The following FANCI variants were observed in gnomAD, a reference collection of about 807,000 sequenced individuals.
FANCI encodes Fanconi anemia group I protein.
FANCI carries 156 observed loss-of-function variants against 176.1 expected under a neutral mutation model. The ratio of observed to expected loss-of-function variants is 0.89; its 90% confidence interval spans 0.78 to 1.01. FANCI has a LOEUF of 1.01. Among genes scored for constraint, FANCI ranks in the 50% least tolerant of loss-of-function variants. FANCI has a pLI of 0.00. For missense variants in FANCI, 1,678 were observed against 1,534.1 expected (o/e 1.09, Z -1.57); for synonymous variants, 613 against 541.7 (o/e 1.13, Z -1.83).
At chr15:89,276,332 G>C (rs1346284536) in intron 12 of FANCI, among the ~76,000 whole-genome samples, 1 of 152,218 alleles carries the variant, frequency 6.6e-6, no homozygotes, top group Non-Finnish European at 1.5e-5. Context: ...CTCTCCTAGA[G>C]AATCTCTGTC....
chr15:89,257,534 A>C (rs75426203), intron 2 of FANCI, among the ~76,000 whole-genome samples: 1,897 of 152,198 alleles, frequency 0.012, 33 homozygotes, highest in African/African-American at 0.043. Flanking sequence ...ATCACCTGAT[A>C]TCTGCTTTCA....
rs575207637 is a variant in FANCI, at chr15:89,314,711, A to G, written c.3816+4A>G. On this transcript the variant is annotated splice_donor_region_variant and intron_variant, in intron 36 of 37. Transcript: ENST00000310775. ...CCACCTTTCTAAGAAGTCCAAGGTA[A>G]ACATTCTCTTATTATGTGCTACCAT... 4 of 1,598,312 alleles carry G rather than the reference A, an allele frequency of 2.5e-6. No individual in the cohort carries two copies. In the South Asian group the frequency reaches 4.4e-5, roughly 18 times the overall value.
At chr15:89,309,845 C>T (rs1198150151) in intron 34 of FANCI, among the ~76,000 whole-genome samples, 1 of 152,142 alleles carries the variant, frequency 6.6e-6, no homozygotes, top group Non-Finnish European at 1.5e-5. Context: ...CCATAGAGTA[C>T]AGTTTGGGAA....
At chr15:89,280,389 TA>T (rs1314331678) in intron 14 of FANCI, among the ~76,000 whole-genome samples, 2 of 152,226 alleles carry the variant, frequency 1.3e-5, no homozygotes, top group Non-Finnish European at 2.9e-5. Flanking sequence ...TTTCCATTGT[TA>T]AAGTCAGTTA....
rs916935359 is a variant in FANCI at position 89,292,728 on chromosome 15, A to G, written c.2033A>G (p.Tyr678Cys). Residue 678 changes from tyrosine to cysteine, a missense_variant, in exon 21 of 38, where the codon TAT becomes TGT. Tyr to Cys is a radical substitution (Grantham distance 194). Around this residue, in one of 3 missense-constraint regions of FANCI, gnomAD observed 1,204 missense variants for 1,077.4 expected, o/e 1.12. Coordinates refer to ENST00000310775, the MANE Select transcript of FANCI (RefSeq NM_001113378.2). Reference protein sequence around the residue: ...LCCIQHCLAWYKNTVIPLQQG... With the variant: ...LCCIQHCLAWCKNTVIPLQQG... ...TGTATTCAGCATTGTTTGGCCTGGT[A>G]TAAGAATACAGTCATACCCTTACAG... The G allele has an allele frequency of 6.2e-7, 1 of 1,613,814 alleles. No individual in the cohort carries two copies. Among genetic ancestry groups the G allele is most frequent in the African/African-American group, 1.3e-5 (1 of 74,936 alleles).
rs2053691173 is a variant in FANCI, at chr15:89,283,379, A to ATGATGGTGC, written c.1698+135_1698+143dup. 6 of 1,387,928 alleles carry ATGATGGTGC rather than the reference A, an allele frequency of 4.3e-6. No individual in the cohort carries two copies. In the South Asian group the frequency reaches 7.2e-5, roughly 17 times the overall value. 86.0% of individuals were successfully genotyped at this position (1,387,928 alleles called of 1,614,324 possible). On this transcript the variant is annotated intron_variant, in intron 17 of 37. Coordinates refer to ENST00000310775, the MANE Select transcript of FANCI (RefSeq NM_001113378.2). ...CCTAGAACTAAAGAGTCTGATGATG[A>ATGATGGTGC]TGATGGTGCTGATGATGATGATGAT... is the stretch of plus-strand genomic sequence containing the variant.
chr15:89,276,533 T>C (rs2053418343), intron 12 of FANCI, among the ~76,000 whole-genome samples, 178 bp from the exon 13 acceptor site: 1 of 152,208 alleles, frequency 6.6e-6, no homozygotes, highest in South Asian at 2.1e-4. Context: ...CTGTTCCCAT[T>C]ATGGTACATT....
Position 89,316,521 on chromosome 15 carries a change from C to T in FANCI, c.*62C>T. The T allele has an allele frequency of 3.3e-6, 5 of 1,508,128 alleles. No individual in the cohort carries two copies. Among genetic ancestry groups the T allele is most frequent in the Middle Eastern group, 3.4e-4 (2 of 5,906 alleles). The allele number at this position is 1,508,128 out of a possible 1,614,324, so 93.4% of individuals were successfully genotyped here. A position where few individuals can be genotyped will look rare whatever the true frequency, so the allele number is the denominator to read the frequency against. ...TGCTTCATTTTTACCCAACAAGCAA[C>T]AATGCCCCTTGTCCTGTAGTCCACA... is the stretch of plus-strand genomic sequence containing the variant. On this transcript the variant is annotated 3_prime_UTR_variant, in exon 38 of 38. Transcript: ENST00000310775.
intron 31 of FANCI, 102 bp from the exon 32 acceptor site, chr15:89,305,905 C>T: frequency 7.8e-7 from 1 of 1,286,472 alleles, no homozygotes; most frequent in South Asian, 1.2e-5. Context: ...TTCGTTTTTC[C>T]ATAAAGACTT....
intron 24 of FANCI, among the ~76,000 whole-genome samples, chr15:89,298,813 G>A (rs748682924): frequency 4.6e-5 from 7 of 152,134 alleles, no homozygotes; most frequent in Non-Finnish European, 8.8e-5. Context: ...GAATATTAAC[G>A]ATTTTATGCC....
chr15:89,274,599 C>CTTTTTTTTTTTTTTTTTTTTTT (rs1157910630), intron 12 of FANCI, among the ~76,000 whole-genome samples: 8 of 82,834 alleles, frequency 9.7e-5, no homozygotes, highest in Non-Finnish European at 1.1e-4. Flanking sequence ...TCTTTCTTTC[C>CTTTTTTTTTTTTTTTTTTTTTT]TTTTTTTTTT....
chr15:89,278,612 C>A, intron 13 of FANCI, 75 bp from the exon 14 acceptor site: 1 of 1,061,306 alleles, frequency 9.4e-7, no homozygotes, highest in Non-Finnish European at 1.5e-6. Context: ...GTTCTTCATG[C>A]TGCCTGACAT....
chr15:89,254,177 G>A (rs2052395207), intron 2 of FANCI, among the ~76,000 whole-genome samples: 1 of 152,086 alleles, frequency 6.6e-6, no homozygotes, highest in South Asian at 2.1e-4. Flanking sequence ...GGGCAACGTG[G>A]TCAAATCCTG....
Position 89,316,902 on chromosome 15 carries a change from CTTAATGCTAAG to C in FANCI, c.*444_*454del. Reference sequence around the variant, plus strand: ...GAGAGCTCAGAAGTGAGCAAAGGAGCTTAATGCTAAGGTCAAAAGGAGAGTGAAAGGTTGAG... The same window carrying C: ...GAGAGCTCAGAAGTGAGCAAAGGAGCGTCAAAAGGAGAGTGAAAGGTTGAG... On this transcript the variant is annotated 3_prime_UTR_variant, in exon 38 of 38. Coordinates refer to ENST00000310775, the MANE Select transcript of FANCI (RefSeq NM_001113378.2). The C allele has an allele frequency of 9.4e-7, 1 of 1,063,742 alleles. No individual in the cohort carries two copies. Among genetic ancestry groups the C allele is most frequent in the South Asian group, 1.3e-5 (1 of 79,782 alleles). 65.9% of individuals were successfully genotyped at this position (1,063,742 alleles called of 1,614,324 possible). A position where few individuals can be genotyped will look rare whatever the true frequency, so the allele number is the denominator to read the frequency against.
Position 89,306,166 on chromosome 15 carries a change from A to G in FANCI, c.3509A>G (p.Tyr1170Cys). ...TTGTTAAAGGACTTGTGCAAAATGT[A>G]CACCACACTTACAGCCCTTGTCAGA... is the stretch of plus-strand genomic sequence containing the variant. ...DTLLKDLCKM[Y>C]TTLTALVRYY... The change falls in exon 32 of 38, where the codon TAC becomes TGC. Residue 1170 changes from tyrosine to cysteine, a missense_variant. Transcript: ENST00000310775. 1 of 1,614,208 alleles carries G rather than the reference A, an allele frequency of 6.2e-7. No individual in the cohort carries two copies. Among genetic ancestry groups the G allele is most frequent in the Non-Finnish European group, 8.5e-7 (1 of 1,180,042 alleles).
intron 9 of FANCI, among the ~76,000 whole-genome samples, chr15:89,265,788 C>G (rs759328134): frequency 1.3e-5 from 2 of 152,096 alleles, no homozygotes; most frequent in Non-Finnish European, 1.5e-5. Context: ...TCCCAAAGTG[C>G]TGGGATCACA....
intron 9 of FANCI, among the ~76,000 whole-genome samples, chr15:89,265,112 A>G (rs1240380401): frequency 6.6e-6 from 1 of 152,252 alleles, no homozygotes; most frequent in Non-Finnish European, 1.5e-5. Context: ...GATCCATAAT[A>G]TATAGATCAG....
intron 2 of FANCI, among the ~76,000 whole-genome samples, chr15:89,249,357 T>G (rs1178054818): frequency 1.3e-5 from 2 of 152,192 alleles, no homozygotes; most frequent in Non-Finnish European, 2.9e-5. Flanking sequence ...GTATTTAACT[T>G]TATTTATTTA....
At position 89,298,332 on chromosome 15, in the gene FANCI, CAGAA is replaced by C; in HGVS notation, c.2637-1464_2637-1461del. ...ACAGAATTAAAGAAGAAAGCAGTAA[CAGAA>C]AGATATCTAGATAATCCCCATATAT... On this transcript the variant is annotated intron_variant, in intron 24 of 37. Coordinates refer to ENST00000310775, the MANE Select transcript of FANCI (RefSeq NM_001113378.2). Among the ~76,000 whole-genome samples the C allele has an allele frequency of 4.6e-5, 7 of 152,140 alleles. 2 individuals carry two copies. Among genetic ancestry groups the C allele is most frequent in the Admixed American group, 4.6e-4 (7 of 15,284 alleles).
Sources: allele counts gnomAD v4.1 joint callset (sites outside exome capture counted in the v4.1 genomes callset), GRCh38; gene constraint gnomAD v4.1.1; regional missense constraint gnomAD v4.1.1; transcripts MANE v1.5; gene names NCBI Gene and HGNC (gene_info 2026-07-23, HGNC 2026-07-21).